LDLRAD4: variants seen among roughly 807,000 people sequenced by gnomAD.
LDLRAD4 encodes low-density lipoprotein receptor class A domain-containing protein 4.
A neutral mutation model predicts 17.0 loss-of-function variants in LDLRAD4; 5 were observed. That is an observed-to-expected ratio of 0.29 (90% CI 0.15 to 0.62). LDLRAD4 has a LOEUF of 0.62. LDLRAD4 is among the 20% of genes least tolerant of loss of function. LDLRAD4 has a pLI of 0.84. For synonymous variants in LDLRAD4, 168 were observed against 171.8 expected (o/e 0.98, Z 0.17); for missense variants, 340 against 424.7 (o/e 0.80, Z 1.75).
At chr18:13,422,264 G>C (rs149956259) in intron 2 of LDLRAD4, among the ~76,000 whole-genome samples, 213 of 152,292 alleles carry the variant, frequency 1.4e-3, no homozygotes, top group African/African-American at 5.0e-3. Flanking sequence ...ACAGAGAGAA[G>C]ACTAGAAGAC....
intron 1 of LDLRAD4, among the ~76,000 whole-genome samples, chr18:13,363,249 G>A (rs773399598): frequency 4.0e-5 from 6 of 150,544 alleles, no homozygotes; most frequent in African/African-American, 9.8e-5. Context: ...GGAGAATGGC[G>A]TGAACCTGGG....
At chr18:13,301,175 T>C (rs955407301) in intron 1 of LDLRAD4, among the ~76,000 whole-genome samples, 1 of 152,202 alleles carries the variant, frequency 6.6e-6, no homozygotes, top group African/African-American at 2.4e-5. Flanking sequence ...AGAGCCTCAG[T>C]GTACCTTTAG....
chr18:13,488,916 A>G (rs1300830832), intron 3 of LDLRAD4: 7 of 152,246 alleles, frequency 4.6e-5, no homozygotes. Context: ...GGCTCTTGAC[A>G]CTGTTGTGAG....
chr18:13,599,484 CA>C (rs1211645791), intron 3 of LDLRAD4, among the ~76,000 whole-genome samples: 6 of 133,146 alleles, frequency 4.5e-5, no homozygotes, highest in Non-Finnish European at 9.3e-5. Context: ...TTTGAGTCTC[CA>C]ATTTTTTTTT....
At chr18:13,324,708 T>C (rs796808159) in intron 1 of LDLRAD4, among the ~76,000 whole-genome samples, 3 of 152,242 alleles carry the variant, frequency 2.0e-5, no homozygotes, top group African/African-American at 7.2e-5. Context: ...GAGACAGGTC[T>C]CAATCAATTT....
intron 3 of LDLRAD4, among the ~76,000 whole-genome samples, chr18:13,447,652 G>A (rs1278751143): frequency 2.6e-5 from 4 of 152,218 alleles, no homozygotes; most frequent in East Asian, 1.9e-4. Context: ...GTAGTCTAGC[G>A]TGGATGTTAA....
intron 4 of LDLRAD4, among the ~76,000 whole-genome samples, chr18:13,628,925 G>A (rs2041411868): frequency 6.6e-6 from 1 of 152,146 alleles, no homozygotes; most frequent in African/African-American, 2.4e-5. Flanking sequence ...CGAACATTTA[G>A]GCTCAACTGA....
rs1310883154 is a variant in LDLRAD4, at chr18:13,271,977, C to T, written c.-466-6128C>T. Among the ~76,000 whole-genome samples the T allele has an allele frequency of 2.7e-5, 4 of 146,824 alleles. No individual in the cohort carries two copies. In the East Asian group the frequency reaches 8.4e-4, roughly 31 times the overall value. Reference sequence around the variant, plus strand: ...GTGGCACAATCTCGGCTCACTTCAACCTCCGCCTCCCAAGTTCAAGTGATT... The same window carrying T: ...GTGGCACAATCTCGGCTCACTTCAATCTCCGCCTCCCAAGTTCAAGTGATT... On this transcript the variant is annotated intron_variant, in intron 1 of 5. Coordinates refer to the LDLRAD4 transcript ENST00000399848.
chr18:13,556,700 A>T (rs1368454768), intron 3 of LDLRAD4, among the ~76,000 whole-genome samples: 1 of 152,186 alleles, frequency 6.6e-6, no homozygotes, highest in Non-Finnish European at 1.5e-5. Context: ...AATGGGATAC[A>T]CGGGAATATG....
intron 3 of LDLRAD4, among the ~76,000 whole-genome samples, chr18:13,479,317 A>G (rs1600685649): frequency 1.3e-5 from 2 of 152,340 alleles, no homozygotes; most frequent in African/African-American, 4.8e-5. Flanking sequence ...TGTGAAAGAC[A>G]CTTTTAAGTC....
At chr18:13,543,289 A>G (rs1435152485) in intron 3 of LDLRAD4, 1 of 152,144 alleles carries the variant, frequency 6.6e-6, no homozygotes, top group Non-Finnish European at 1.5e-5. Context: ...CCTGTTCCTA[A>G]AATCATCTTC....
At chr18:13,522,647 A>G (rs2093969725) in intron 3 of LDLRAD4, 1 of 152,164 alleles carries the variant, frequency 6.6e-6, no homozygotes, top group African/African-American at 2.4e-5. Flanking sequence ...ACATGCTACA[A>G]AAAAAGGACT....
At chr18:13,453,299 G>A (rs1459899354) in intron 3 of LDLRAD4, among the ~76,000 whole-genome samples, 2 of 152,126 alleles carry the variant, frequency 1.3e-5, no homozygotes, top group Non-Finnish European at 2.9e-5. Flanking sequence ...TGTGAGGTTC[G>A]AAAGGAGCAG....
intron 2 of LDLRAD4, among the ~76,000 whole-genome samples, chr18:13,391,218 A>G (rs2086251424): frequency 6.6e-6 from 1 of 152,218 alleles, no homozygotes; most frequent in Admixed American, 6.5e-5. Flanking sequence ...TATGTCCACT[A>G]AAATTTGTCA....
intron 2 of LDLRAD4, among the ~76,000 whole-genome samples, chr18:13,406,156 GCCTGGGCC>G (rs1424423853): frequency 6.6e-6 from 1 of 152,200 alleles, no homozygotes; most frequent in African/African-American, 2.4e-5. Context: ...CTTGTGTTAT[GCCTGGGCC>G]CCCTGGGGAG....
At chr18:13,495,030 G>A (rs1463247965) in intron 3 of LDLRAD4, among the ~76,000 whole-genome samples, 1 of 152,048 alleles carries the variant, frequency 6.6e-6, no homozygotes, top group African/African-American at 2.4e-5. Flanking sequence ...GTCTCATTTG[G>A]CATCAAGGAG....
At chr18:13,418,843 C>T (rs1475404258) in intron 2 of LDLRAD4, among the ~76,000 whole-genome samples, 1 of 152,196 alleles carries the variant, frequency 6.6e-6, no homozygotes, top group East Asian at 1.9e-4. Flanking sequence ...CTGGTTCCCA[C>T]CCTTGGGAAG....
At chr18:13,526,408 C>T (rs925255587) in intron 3 of LDLRAD4, 1 of 152,182 alleles carries the variant, frequency 6.6e-6, no homozygotes, top group Non-Finnish European at 1.5e-5. Flanking sequence ...AGAGATGTGT[C>T]TGTAAGAGGG....
chr18:13,588,449 T>C (rs988023190), intron 3 of LDLRAD4, among the ~76,000 whole-genome samples: 1 of 152,240 alleles, frequency 6.6e-6, no homozygotes, highest in Non-Finnish European at 1.5e-5. Flanking sequence ...TTTTATCTTT[T>C]TTCAGTGAAA....
Sources: allele counts gnomAD v4.1 joint callset (sites outside exome capture counted in the v4.1 genomes callset), GRCh38; gene constraint gnomAD v4.1.1; transcripts MANE v1.5; gene names NCBI Gene and HGNC (gene_info 2026-07-23, HGNC 2026-07-21).